Variants in FSHR observed in about 807,000 individuals in gnomAD.
FSHR encodes the protein follicle-stimulating hormone receptor.
In FSHR, 46 loss-of-function variants were observed where a neutral mutation model predicts 52.1. The observed-to-expected ratio is 0.88, with a 90% CI of 0.70 to 1.13. The LOEUF is 1.13. Among genes scored for constraint, FSHR ranks in the 50% most tolerant of loss-of-function variants. FSHR has a pLI of 0.00. For synonymous variants in FSHR, 399 were observed against 309.6 expected, an observed-to-expected ratio of 1.29 and a Z score of -3.03; for missense variants, 964 against 834.6, an observed-to-expected ratio of 1.16 and a Z score of -1.91.
At chr2:49,070,112 C>A (rs1367596363) in intron 1 of FSHR, among the ~76,000 whole-genome samples, 2 of 152,014 alleles carry the variant, frequency 1.3e-5, no homozygotes, top group African/African-American at 4.8e-5. Flanking sequence ...GAAGGCAATA[C>A]CAGAAACCTT....
chr2:49,046,505 G>T (rs1302380699), intron 2 of FSHR, among the ~76,000 whole-genome samples: 1 of 152,172 alleles, frequency 6.6e-6, no homozygotes, highest in Non-Finnish European at 1.5e-5. Flanking sequence ...ATGATAGTAA[G>T]ATTCTTATGA....
intron 1 of FSHR, among the ~76,000 whole-genome samples, chr2:49,142,569 A>T (rs895236189): frequency 1.3e-5 from 2 of 152,222 alleles, no homozygotes; most frequent in Non-Finnish European, 2.9e-5. Flanking sequence ...TGCCTGTCAT[A>T]GTAGGCAGTC....
intron 2 of FSHR, among the ~76,000 whole-genome samples, chr2:49,033,860 A>T (rs1175849425): frequency 6.6e-6 from 1 of 152,144 alleles, no homozygotes; most frequent in Non-Finnish European, 1.5e-5. Context: ...AGGGGCAGGG[A>T]CTGGAGGTAT....
chr2:49,040,549 C>T (rs534515616), intron 2 of FSHR, among the ~76,000 whole-genome samples: 1 of 152,190 alleles, frequency 6.6e-6, no homozygotes, highest in African/African-American at 2.4e-5. Flanking sequence ...AGTAGGTGCT[C>T]AGTAAATATG....
chr2:49,140,505 AG>A (rs767470794), intron 1 of FSHR, among the ~76,000 whole-genome samples: 30 of 152,112 alleles, frequency 2.0e-4, no homozygotes, highest in Non-Finnish European at 4.0e-4. Context: ...ACCCAGTCTC[AG>A]GTATTTATTT....
At chr2:49,042,643 T>C (rs1668516884) in intron 2 of FSHR, among the ~76,000 whole-genome samples, 1 of 152,374 alleles carries the variant, frequency 6.6e-6, no homozygotes, top group Non-Finnish European at 1.5e-5. Context: ...TAATCACTCA[T>C]TAGTGAACAC....
chr2:49,112,179 A>G (rs1353058448), intron 1 of FSHR, among the ~76,000 whole-genome samples: 2 of 152,160 alleles, frequency 1.3e-5, no homozygotes, highest in African/African-American at 4.8e-5. Flanking sequence ...CCTAACTATT[A>G]CATTTCCATT....
intron 9 of FSHR, among the ~76,000 whole-genome samples, chr2:48,967,275 T>A (rs979602939): frequency 1.3e-4 from 20 of 152,104 alleles, no homozygotes; most frequent in African/African-American, 4.3e-4. Flanking sequence ...TTGTTCATTT[T>A]TTTTGTAGAG....
chr2:49,077,232 G>A (rs1003285975), intron 1 of FSHR, among the ~76,000 whole-genome samples: 4 of 152,196 alleles, frequency 2.6e-5, no homozygotes, highest in Admixed American at 6.5e-5. Context: ...GGAGGTTTCC[G>A]AACCTCAATT....
At chr2:49,093,491 T>G (rs1366965410) in intron 1 of FSHR, among the ~76,000 whole-genome samples, 1 of 152,214 alleles carries the variant, frequency 6.6e-6, no homozygotes, top group Non-Finnish European at 1.5e-5. Context: ...TATCTGATAT[T>G]AATATAGCCA....
chr2:49,079,991 C>G (rs1670106627), intron 1 of FSHR, among the ~76,000 whole-genome samples: 1 of 151,726 alleles, frequency 6.6e-6, no homozygotes, highest in South Asian at 2.1e-4. Context: ...AAGAAATTTG[C>G]TAAATAATAA....
chr2:49,137,627 A>G (rs1397530849), intron 1 of FSHR, among the ~76,000 whole-genome samples: 1 of 152,150 alleles, frequency 6.6e-6, no homozygotes, highest in Non-Finnish European at 1.5e-5. Flanking sequence ...TACTGACACA[A>G]GGATAGATAT....
chr2:49,076,429 G>A lies in FSHR; in HGVS notation c.153-8139C>T, dbSNP rs183911082. Among the ~76,000 whole-genome samples, 39 of 152,074 alleles carry A rather than the reference G, an allele frequency of 2.6e-4. 1 individual carries two copies. The East Asian group carries it at 4.1e-3, about 16-fold the overall frequency. On this transcript the variant is annotated intron_variant, in intron 1 of 9. Coordinates refer to ENST00000406846, the MANE Select transcript of FSHR (RefSeq NM_000145.4). ...TTAGTCACTATCGTGAAAACAGCAC[G>A]GGAAAAACCCGCCCCCTTGATTCAA...
At chr2:49,131,171 T>C (rs1419281703) in intron 1 of FSHR, among the ~76,000 whole-genome samples, 2 of 152,192 alleles carry the variant, frequency 1.3e-5, no homozygotes, top group Non-Finnish European at 2.9e-5. Context: ...ATTTTGGTAA[T>C]ATTTATTATT....
intron 4 of FSHR, chr2:48,997,046 T>C (rs533609607): frequency 1.3e-5 from 2 of 156,752 alleles, no homozygotes; most frequent in African/African-American, 4.8e-5. Flanking sequence ...CTAGGTATAG[T>C]ATCACAGAAT....
intron 2 of FSHR, among the ~76,000 whole-genome samples, chr2:49,056,486 A>C (rs1167572144): frequency 5.9e-5 from 7 of 118,976 alleles, no homozygotes; most frequent in African/African-American, 1.3e-4. Context: ...ATATATATAT[A>C]TCCAACACCA....
At chr2:49,033,012 C>T (rs1668152281) in intron 2 of FSHR, among the ~76,000 whole-genome samples, 1 of 152,184 alleles carries the variant, frequency 6.6e-6, no homozygotes, top group East Asian at 1.9e-4. Context: ...ACATTAGTTT[C>T]ACAATTTGCA....
At chr2:49,076,284 G>C (rs548816157) in intron 1 of FSHR, among the ~76,000 whole-genome samples, 212 of 152,318 alleles carry the variant, frequency 1.4e-3, no homozygotes, top group African/African-American at 4.8e-3. Context: ...GGCTGGGGAG[G>C]CCTCACAATC....
chr2:49,055,248 A>G (rs1485560528), intron 2 of FSHR, among the ~76,000 whole-genome samples: 3 of 151,546 alleles, frequency 2.0e-5, no homozygotes, highest in Non-Finnish European at 4.4e-5. Flanking sequence ...TATAAAAGGA[A>G]CCAGCTGAGA....
Sources: allele counts gnomAD v4.1 joint callset (sites outside exome capture counted in the v4.1 genomes callset), GRCh38; gene constraint gnomAD v4.1.1; transcripts MANE v1.5; gene names NCBI Gene and HGNC (gene_info 2026-07-23, HGNC 2026-07-21).